Variants in OLFM2 observed in about 807,000 individuals in gnomAD.
OLFM2 encodes olfactomedin 2.
OLFM2 carries 20 observed loss-of-function variants against 43.9 expected under a neutral mutation model. The observed-to-expected ratio is 0.46, with a 90% CI of 0.32 to 0.66. OLFM2 has a LOEUF of 0.66. OLFM2 is among the 30% of genes least tolerant of loss of function. The probability of loss-of-function intolerance (pLI) is 0.04; values close to 1 mark genes in which losing one functional copy is unlikely to be tolerated. For missense variants in OLFM2, 416 were observed against 643.6 expected (o/e 0.65, Z 3.83); for synonymous variants, 268 against 278.6 (o/e 0.96, Z 0.38).
intron 1 of OLFM2, among the ~76,000 whole-genome samples, chr19:9,892,473 G>A (rs1216949546): frequency 6.6e-6 from 1 of 152,190 alleles, no homozygotes. Flanking sequence ...CACTTTGGGA[G>A]GCCAAGGTGG....
At chr19:9,917,492 AGAGG>A (rs770730448) in intron 1 of OLFM2, among the ~76,000 whole-genome samples, 8 of 151,976 alleles carry the variant, frequency 5.3e-5, no homozygotes, top group African/African-American at 7.3e-5. Context: ...CGGAGATTGG[AGAGG>A]AAGGCAGAAG....
intron 1 of OLFM2, among the ~76,000 whole-genome samples, chr19:9,932,211 G>C (rs1218388810): frequency 6.6e-6 from 1 of 152,044 alleles, no homozygotes; most frequent in African/African-American, 2.4e-5. Context: ...TATAATCCCA[G>C]CACTTTGGGC....
Position 9,854,795 on chromosome 19 carries a change from G to C in OLFM2, c.756C>G (p.Ile252Met). 1 of 1,610,286 alleles carries C rather than the reference G, an allele frequency of 6.2e-7. No homozygotes were observed. The highest frequency in any genetic ancestry group is 8.5e-7 in the Non-Finnish European group (1 of 1,177,130). ...GGTGCTGGATAAAGTTCTGGCCTTT[G>C]ATGAAGTCTCCCAGGGTACGGAACT... The part of the protein sequence containing the change: ...VLEFRTLGDF[I>M]KGQNFIQHLL... Residue 252 changes from isoleucine to methionine, a missense_variant, in exon 6 of 6, where the codon ATC becomes ATG. Transcript: ENST00000264833. This position sits in a 1 kb window ranked among gnomAD's most constrained non-coding sequence, Gnocchi z 9.5.
At chr19:9,933,623 G>A (rs11673575) in intron 1 of OLFM2, among the ~76,000 whole-genome samples, 2 of 137,938 alleles carry the variant, frequency 1.4e-5, no homozygotes, top group African/African-American at 5.3e-5. Flanking sequence ...AATGGCGATC[G>A]CAGCTCACCG....
chr19:9,856,540 G>A lies in OLFM2; in HGVS notation c.687+267C>T, dbSNP rs1036120245. On this transcript the variant is annotated intron_variant, in intron 5 of 5. Coordinates refer to ENST00000264833, the MANE Select transcript of OLFM2 (RefSeq NM_058164.4). This position sits in a 1 kb window ranked among gnomAD's most constrained non-coding sequence, Gnocchi z 4.0. ...TTGGTCATTGGGTAGTTACTTGGACGTCAGTAGTCCCTGAGAACTGGTCAG... is the reference window on the plus strand; with the variant it reads ...TTGGTCATTGGGTAGTTACTTGGACATCAGTAGTCCCTGAGAACTGGTCAG... 6.6e-5 allele frequency among the ~76,000 whole-genome samples: 10 copies of A among 152,356 alleles called. No individual in the cohort carries two copies. The highest frequency in any genetic ancestry group is 1.7e-4 in the African/African-American group (7 of 41,592).
intron 1 of OLFM2, among the ~76,000 whole-genome samples, chr19:9,881,377 T>C (rs748417869): frequency 4.6e-5 from 7 of 152,206 alleles, no homozygotes; most frequent in African/African-American, 7.2e-5. Context: ...GCAGGGCTAC[T>C]GAGAGATGGA....
intron 1 of OLFM2, among the ~76,000 whole-genome samples, chr19:9,921,776 C>T (rs2086423358): frequency 6.6e-6 from 1 of 152,126 alleles, no homozygotes. Flanking sequence ...TGAGCCACCA[C>T]ACCCAGCCTG....
intron 1 of OLFM2, among the ~76,000 whole-genome samples, chr19:9,910,824 G>C (rs1310197024): frequency 6.6e-6 from 1 of 152,136 alleles, no homozygotes; most frequent in Non-Finnish European, 1.5e-5. Context: ...TGTGTGAAAG[G>C]ATGGATGTAC....
chr19:9,924,522 G>A (rs1047091861), intron 1 of OLFM2, among the ~76,000 whole-genome samples: 2 of 151,826 alleles, frequency 1.3e-5, no homozygotes, highest in Admixed American at 1.3e-4. Context: ...GCCACCCAAA[G>A]CACTGGGATT....
intron 1 of OLFM2, among the ~76,000 whole-genome samples, chr19:9,882,533 G>A (rs572855966): frequency 0.038 from 1,210 of 31,990 alleles, 16 homozygotes; most frequent in African/African-American, 0.065. Flanking sequence ...GTGAGACTCC[G>A]TCTCAAAAAA....
chr19:9,929,993 C>T (rs7259452), intron 1 of OLFM2, among the ~76,000 whole-genome samples: 56,735 of 151,820 alleles, frequency 0.37, 11,258 homozygotes, highest in Non-Finnish European at 0.45. Context: ...GAGCCGAGAT[C>T]GCGCCACTGA....
chr19:9,897,474 G>A (rs771812901), intron 1 of OLFM2, among the ~76,000 whole-genome samples: 6 of 152,122 alleles, frequency 3.9e-5, no homozygotes, highest in Admixed American at 6.6e-5. Context: ...CTCCAGCCTG[G>A]ACGACAGAAT....
At chr19:9,881,532 C>T (rs1041680074) in intron 1 of OLFM2, among the ~76,000 whole-genome samples, 2 of 152,092 alleles carry the variant, frequency 1.3e-5, no homozygotes, top group Non-Finnish European at 2.9e-5. Context: ...AGTCAGAAGT[C>T]GAGGTGTCAG....
chr19:9,888,710 T>C (rs1473046910), intron 1 of OLFM2, among the ~76,000 whole-genome samples: 7 of 152,166 alleles, frequency 4.6e-5, no homozygotes, highest in Non-Finnish European at 1.0e-4. Context: ...TGTTCACTGC[T>C]GTGTTGCCAG....
At chr19:9,931,463 G>T (rs530837758) in intron 1 of OLFM2, among the ~76,000 whole-genome samples, 1 of 152,164 alleles carries the variant, frequency 6.6e-6, no homozygotes, top group African/African-American at 2.4e-5. Flanking sequence ...AGCAGTTTAG[G>T]AGGCCGAGGC....
intron 1 of OLFM2, among the ~76,000 whole-genome samples, chr19:9,875,183 CTTTAATA>C (rs2046474965): frequency 6.6e-6 from 1 of 152,152 alleles, no homozygotes; most frequent in African/African-American, 2.4e-5. Context: ...GGATTCATTT[CTTTAATA>C]TTTAAGGGCT....
chr19:9,854,352 G>C lies in OLFM2; in HGVS notation c.1199C>G (p.Thr400Arg), dbSNP rs780801422. The change falls in exon 6 of 6, where the codon ACG becomes AGG. Residue 400 changes from threonine to arginine, a missense_variant. Transcript: ENST00000264833. This position sits in a 1 kb window ranked among gnomAD's most constrained non-coding sequence, Gnocchi z 9.5. ...CACGTCCGTGTACTCGTAACTGGAC[G>C]TGTTGGTAAAATAGGCGAAGTAGAC... ...AKVYFAYFTNTSSYEYTDVPF... is the reference protein window; with the variant it reads ...AKVYFAYFTNRSSYEYTDVPF... The C allele has an allele frequency of 6.2e-7, 1 of 1,614,232 alleles. No homozygotes were observed. The highest frequency in any genetic ancestry group is 8.5e-7 in the Non-Finnish European group (1 of 1,180,038).
At position 9,853,921 on chromosome 19, in the gene OLFM2, AC is replaced by A. The variant is rs1282817462; in HGVS notation, c.*264del. The A allele has an allele frequency of 8.6e-6, 5 of 580,174 alleles. No individual in the cohort carries two copies. Among genetic ancestry groups the A allele is most frequent in the Non-Finnish European group, 1.5e-5 (5 of 329,530 alleles). 35.9% of individuals were successfully genotyped at this position (580,174 alleles called of 1,614,324 possible). A position where few individuals can be genotyped will look rare whatever the true frequency, so the allele number is the denominator to read the frequency against. ...AGGCAGAGACGGAAAGAACTGGAGA[AC>A]CAGAGCCATAAAAAGAAAAAGACAT... On this transcript the variant is annotated 3_prime_UTR_variant, in exon 6 of 6. Transcript: ENST00000264833.
chr19:9,879,703 G>T (rs1210100148), intron 1 of OLFM2, among the ~76,000 whole-genome samples: 1 of 152,088 alleles, frequency 6.6e-6, no homozygotes. Context: ...ACCACGCCTG[G>T]CTAAGTTTTT....
Sources: allele counts gnomAD v4.1 joint callset (sites outside exome capture counted in the v4.1 genomes callset), GRCh38; gene constraint gnomAD v4.1.1; non-coding constraint Gnocchi (gnomAD v3.1); transcripts MANE v1.5; gene names NCBI Gene and HGNC (gene_info 2026-07-23, HGNC 2026-07-21).